Variants in STK32A observed in about 807,000 individuals in gnomAD.
STK32A encodes the protein serine/threonine kinase 32A, also known as serine/threonine-protein kinase 32A.
Under a neutral mutation model 53.2 loss-of-function variants are expected in STK32A, and 41 were observed. The observed-to-expected ratio is 0.77, with a 90% CI of 0.60 to 1.00. The LOEUF (loss-of-function observed/expected upper bound fraction) is 1.00, where lower values mean the gene tolerates loss of function less well. Among genes scored for constraint, STK32A ranks in the 50% least tolerant of loss-of-function variants. STK32A has a pLI of 0.00. For synonymous variants in STK32A, 166 were observed against 162.8 expected, an observed-to-expected ratio of 1.02 and a Z score of -0.15; for missense variants, 458 against 485.8, an observed-to-expected ratio of 0.94 and a Z score of 0.54.
chr5:147,313,978 A>T (rs895468621), intron 4 of STK32A, among the ~76,000 whole-genome samples: 12 of 152,170 alleles, frequency 7.9e-5, no homozygotes, highest in African/African-American at 2.9e-4. Context: ...TTCGAAGAAA[A>T]TACAGAAGTA....
intron 3 of STK32A, 65 bp downstream of exon 3, chr5:147,278,244 G>C (rs2151954391): frequency 1.5e-6 from 2 of 1,342,034 alleles, no homozygotes; most frequent in East Asian, 2.4e-5. Context: ...AGAGGGTCCA[G>C]AAATGTTCAC....
In STK32A at chr5:147,383,952, A is replaced by G; in HGVS notation, c.1160A>G (p.Gln387Arg). The change falls in exon 13 of 13, where the codon CAA becomes CGA. Residue 387 changes from glutamine (Q) to arginine (R), a missense_variant. Transcript: ENST00000397936. ...NLALEQTKDP[Q>R]GEDGQNNNL ...GCCTTGGAACAAACCAAAGACCCAC[A>G]AGGTGAGGATGGTCAGAATAACAAC... 6.2e-7 allele frequency: 1 copy of G among 1,609,784 alleles called. No homozygotes were observed. The highest frequency in any genetic ancestry group is 8.5e-7 in the Non-Finnish European group (1 of 1,178,630).
chr5:147,344,345 A>ATT (rs1449056576), intron 6 of STK32A, among the ~76,000 whole-genome samples: 1 of 152,116 alleles, frequency 6.6e-6, no homozygotes, highest in African/African-American at 2.4e-5. Flanking sequence ...GTCCAAAAAG[A>ATT]TTTTTTCCAC....
intron 7 of STK32A, among the ~76,000 whole-genome samples, chr5:147,353,754 A>C (rs1240679934): frequency 6.6e-6 from 1 of 152,094 alleles, no homozygotes; most frequent in Non-Finnish European, 1.5e-5. Flanking sequence ...GTGAGACTCC[A>C]TCTCAAAAGA....
chr5:147,254,244 T>C (rs1226794251), intron 2 of STK32A, among the ~76,000 whole-genome samples: 2 of 152,170 alleles, frequency 1.3e-5, no homozygotes, highest in African/African-American at 4.8e-5. Flanking sequence ...ACCTATCTTT[T>C]TGGGAGACAC....
At chr5:147,377,433 T>G (rs1757277221) in intron 11 of STK32A, among the ~76,000 whole-genome samples, 1 of 152,158 alleles carries the variant, frequency 6.6e-6, no homozygotes. Flanking sequence ...TTCTATCTGT[T>G]GATTTTAAGT....
chr5:147,390,478 C>CAAAAAAAA (rs151186049), downstream of STK32A, among the ~76,000 whole-genome samples: 320 of 110,840 alleles, frequency 2.9e-3, no homozygotes, highest in African/African-American at 9.3e-3. Flanking sequence ...GGGGAAAGAC[C>CAAAAAAAA]AAAAAAAAAA....
At chr5:147,267,499 C>A (rs931612732) in intron 2 of STK32A, among the ~76,000 whole-genome samples, 1 of 152,200 alleles carries the variant, frequency 6.6e-6, no homozygotes, top group Non-Finnish European at 1.5e-5. Flanking sequence ...AATATTACCA[C>A]CTCATGCTGT....
At chr5:147,344,627 A>G (rs1044741719) in intron 6 of STK32A, among the ~76,000 whole-genome samples, 2 of 152,162 alleles carry the variant, frequency 1.3e-5, no homozygotes, top group Non-Finnish European at 2.9e-5. Flanking sequence ...AAAAACAATT[A>G]CCACTGGCTT....
intron 4 of STK32A, among the ~76,000 whole-genome samples, chr5:147,281,881 G>GA (rs1752079730): frequency 6.6e-6 from 1 of 152,096 alleles, no homozygotes; most frequent in African/African-American, 2.4e-5. Context: ...ACCTACAAAG[G>GA]AAAACCTATT....
chr5:147,368,114 A>G (rs887123900), intron 8 of STK32A, among the ~76,000 whole-genome samples: 1 of 152,244 alleles, frequency 6.6e-6, no homozygotes, highest in African/African-American at 2.4e-5. Context: ...CTGCTTTGTC[A>G]TCTCTCTAAC....
At chr5:147,297,998 A>G (rs1289129246) in intron 4 of STK32A, among the ~76,000 whole-genome samples, 1 of 145,942 alleles carries the variant, frequency 6.9e-6, no homozygotes, top group Non-Finnish European at 1.5e-5. Flanking sequence ...AAAAAATACT[A>G]TCTGATGTTG....
chr5:147,381,932 A>G (rs1193317346), intron 11 of STK32A, among the ~76,000 whole-genome samples: 1 of 152,196 alleles, frequency 6.6e-6, no homozygotes, highest in Non-Finnish European at 1.5e-5. Flanking sequence ...TAGGCCACAC[A>G]TAAAATACAC....
At chr5:147,380,992 G>A (rs553842801) in intron 11 of STK32A, among the ~76,000 whole-genome samples, 8 of 152,022 alleles carry the variant, frequency 5.3e-5, no homozygotes, top group East Asian at 1.9e-4. Context: ...GTATTTACAC[G>A]TACCGAGAGC....
chr5:147,251,548 G>A (rs1278531661), intron 2 of STK32A, among the ~76,000 whole-genome samples: 8 of 152,090 alleles, frequency 5.3e-5, no homozygotes, highest in Non-Finnish European at 1.2e-4. Context: ...TTCAGTTATA[G>A]CTATCTTCCC....
At position 147,279,352 on chromosome 5, in the gene STK32A, C is replaced by T; in HGVS notation, c.214C>T (p.Leu72Phe). The change falls in exon 4 of 13, where the codon CTC (leucine) becomes TTC (phenylalanine). Residue 72 changes from leucine (L) to phenylalanine (F), a missense_variant. Physicochemically the swap from Leu to Phe is conservative, Grantham distance 22. Transcript: ENST00000397936. The stretch of plus-strand genomic sequence containing the variant: ...TGAAGTGAGAAATGTCTTCAAGGAA[C>T]TCCAGATCATGCAGGGTCTGGAGCA... The part of the protein sequence containing the change: ...RNEVRNVFKE[L>F]QIMQGLEHPF... 6.2e-7 allele frequency: 1 copy of T among 1,611,428 alleles called. No homozygotes were observed. The highest frequency in any genetic ancestry group is 8.5e-7 in the Non-Finnish European group (1 of 1,178,642).
intron 4 of STK32A, among the ~76,000 whole-genome samples, chr5:147,285,243 T>A (rs1752272369): frequency 6.6e-6 from 1 of 152,154 alleles, no homozygotes; most frequent in African/African-American, 2.4e-5. Flanking sequence ...GATAATTGAA[T>A]AGCCACAAGT....
intron 6 of STK32A, among the ~76,000 whole-genome samples, chr5:147,349,975 G>T (rs758256437): frequency 6.6e-5 from 10 of 151,938 alleles, no homozygotes; most frequent in Non-Finnish European, 1.0e-4. Flanking sequence ...GCTGAGCATG[G>T]TTGTGCATGC....
At chr5:147,350,715 G>A (rs972617111) in intron 6 of STK32A, among the ~76,000 whole-genome samples, 2 of 152,066 alleles carry the variant, frequency 1.3e-5, no homozygotes, top group Admixed American at 1.3e-4. Flanking sequence ...GTTTGGAAAC[G>A]TGATACTTTG....
Sources: allele counts gnomAD v4.1 joint callset (sites outside exome capture counted in the v4.1 genomes callset), GRCh38; gene constraint gnomAD v4.1.1; transcripts MANE v1.5; gene names NCBI Gene and HGNC (gene_info 2026-07-23, HGNC 2026-07-21).